Variants in TET3 observed in about 807,000 individuals in gnomAD.
TET3 encodes methylcytosine dioxygenase TET3.
TET3 carries 19 observed loss-of-function variants against 141.4 expected under a neutral mutation model. That is an observed-to-expected ratio of 0.13 (90% CI 0.09 to 0.20). TET3 has a LOEUF of 0.20. TET3 is among the 10% of genes least tolerant of loss of function. TET3 has a pLI of 1.00. For synonymous variants in TET3, 1,043 were observed against 980.9 expected, an observed-to-expected ratio of 1.06 and a Z score of -1.18; for missense variants, 1,874 against 2,356.9, an observed-to-expected ratio of 0.80 and a Z score of 4.24.
At chr2:74,044,406 T>C (rs1030899487) in intron 3 of TET3, among the ~76,000 whole-genome samples, 1 of 152,238 alleles carries the variant, frequency 6.6e-6, no homozygotes, top group Admixed American at 6.5e-5. Context: ...TATGGTTTTT[T>C]TCTGAATCAT....
At chr2:74,090,089 C>T (rs1410880497) in intron 8 of TET3, 42 bp downstream of exon 8, 31 of 1,605,450 alleles carry the variant, frequency 1.9e-5, no homozygotes, top group South Asian at 4.4e-5. Flanking sequence ...CATCCTTTCT[C>T]GCCTGGCGTC....
At chr2:74,070,861 G>A (rs1242173054) in intron 4 of TET3, among the ~76,000 whole-genome samples, 1 of 152,144 alleles carries the variant, frequency 6.6e-6, no homozygotes, top group African/African-American at 2.4e-5. Context: ...TGTAGTCCCA[G>A]CTACTCAGGA....
chr2:74,032,489 G>GCGCGCGCGCGCGCGCGCGA (rs1558730157), intron 3 of TET3, among the ~76,000 whole-genome samples: 7 of 150,762 alleles, frequency 4.6e-5, no homozygotes, highest in African/African-American at 1.7e-4. Flanking sequence ...GTGTGTGTGT[G>GCGCGCGCGCGCGCGCGCGA]TGTGTGTGTG....
downstream of TET3, among the ~76,000 whole-genome samples, chr2:74,109,011 C>T (rs921092119): frequency 4.6e-5 from 7 of 152,186 alleles, no homozygotes; most frequent in Admixed American, 1.3e-4. Context: ...CCTTGGCACA[C>T]CTGGCTATCC....
At chr2:74,023,301 G>A (rs1686154726) in intron 3 of TET3, among the ~76,000 whole-genome samples, 5 of 152,146 alleles carry the variant, frequency 3.3e-5, no homozygotes, top group Admixed American at 3.3e-4. Context: ...GTGCAGCGGT[G>A]CTGCGATCAT....
At chr2:74,089,181 G>T (rs1292253284) in intron 7 of TET3, among the ~76,000 whole-genome samples, 4 of 151,798 alleles carry the variant, frequency 2.6e-5, no homozygotes, top group African/African-American at 9.7e-5. Context: ...CTAGCCCTGG[G>T]CAGTCACCGG....
rs1684958230 is a variant in TET3 at position 74,003,219 on chromosome 2, T to G, written c.360+53T>G. ...GTGCGTGTGTGTGGTGGCGGTGAAG[T>G]GTTTGACCGGATTGGATAAAAATAA... On this transcript the variant is annotated intron_variant, in intron 3 of 11. Transcript: ENST00000409262. The G allele has an allele frequency of 3.9e-6, 6 of 1,545,358 alleles. No homozygotes were observed. In the South Asian group the frequency reaches 6.0e-5, roughly 15 times the overall value.
At chr2:74,129,991 A>G in the TET3 span, among the ~76,000 whole-genome samples, 1 of 151,422 alleles carries the variant, frequency 6.6e-6, no homozygotes, top group African/African-American at 2.4e-5. Context: ...ACTACTTGGG[A>G]GGCTGAGGCA....
At chr2:74,033,395 A>C (rs1686860306) in intron 3 of TET3, among the ~76,000 whole-genome samples, 1 of 152,248 alleles carries the variant, frequency 6.6e-6, no homozygotes, top group African/African-American at 2.4e-5. Flanking sequence ...TTCAAATATT[A>C]TGTACTTCCC....
At chr2:74,070,871 A>T (rs1388718323) in intron 4 of TET3, among the ~76,000 whole-genome samples, 1 of 152,160 alleles carries the variant, frequency 6.6e-6, no homozygotes, top group Non-Finnish European at 1.5e-5. Flanking sequence ...GCTACTCAGG[A>T]GGCTGAGGTG....
chr2:74,093,689 C>T lies in TET3; in HGVS notation c.3267+23C>T, dbSNP rs368164333. On this transcript the variant is annotated intron_variant, in intron 10 of 11. Transcript: ENST00000409262. This position sits in a 1 kb window ranked among gnomAD's most constrained non-coding sequence, Gnocchi z 4.2. The stretch of plus-strand genomic sequence containing the variant: ...GTGGTAAGCCTGTGCCCTGTCATAG[C>T]CCCACCTGTGGGGCAACTGTGGGAG... 810 of 1,554,616 alleles carry T rather than the reference C, an allele frequency of 5.2e-4. No individual in the cohort carries two copies. Among genetic ancestry groups the T allele is most frequent in the Non-Finnish European group, 6.9e-4 (785 of 1,144,244 alleles).
chr2:74,073,137 T>C (rs1443465365), intron 4 of TET3, among the ~76,000 whole-genome samples: 1 of 152,172 alleles, frequency 6.6e-6, no homozygotes, highest in Non-Finnish European at 1.5e-5. Context: ...CTTAACAAAA[T>C]GTTTTTGGCC....
intron 5 of TET3, among the ~76,000 whole-genome samples, chr2:74,078,574 A>G (rs1412746124): frequency 6.6e-6 from 1 of 152,180 alleles, no homozygotes; most frequent in East Asian, 1.9e-4. Context: ...TGTTAGACAT[A>G]TAAGTTGTTT....
chr2:74,114,365 C>G, the TET3 span, among the ~76,000 whole-genome samples: 1 of 152,012 alleles, frequency 6.6e-6, no homozygotes, highest in Non-Finnish European at 1.5e-5. Flanking sequence ...GTGTACACAG[C>G]TTGGGTGATA....
chr2:73,988,566 T>C (rs947062625), intron 2 of TET3, among the ~76,000 whole-genome samples: 5 of 152,074 alleles, frequency 3.3e-5, no homozygotes, highest in African/African-American at 1.2e-4. Context: ...GGTTAAGATA[T>C]CATGGATCTG....
chr2:74,013,409 A>G (rs967231800), intron 3 of TET3, among the ~76,000 whole-genome samples: 1 of 152,158 alleles, frequency 6.6e-6, no homozygotes, highest in African/African-American at 2.4e-5. Context: ...TTGTTGTCAG[A>G]TGTTAGTATT....
At chr2:74,070,933 C>G (rs1418419236) in intron 4 of TET3, among the ~76,000 whole-genome samples, 5 of 152,076 alleles carry the variant, frequency 3.3e-5, no homozygotes, top group African/African-American at 9.7e-5. Context: ...TGTGATCATG[C>G]CATTGCACTC....
intron 4 of TET3, among the ~76,000 whole-genome samples, chr2:74,073,042 G>T (rs1258519618): frequency 1.3e-5 from 2 of 152,210 alleles, no homozygotes; most frequent in Non-Finnish European, 1.5e-5. Flanking sequence ...GTGAATAAAT[G>T]CTGCTCTGAA....
At chr2:74,002,948 G>A in intron 2 of TET3, 162 bp from the exon 3 acceptor site, 1 of 685,120 alleles carries the variant, frequency 1.5e-6, no homozygotes. Context: ...CCAGGCGGCA[G>A]CTGGAGGCAG....
Sources: allele counts gnomAD v4.1 joint callset (sites outside exome capture counted in the v4.1 genomes callset), GRCh38; gene constraint gnomAD v4.1.1; non-coding constraint Gnocchi (gnomAD v3.1); transcripts MANE v1.5; gene names NCBI Gene and HGNC (gene_info 2026-07-23, HGNC 2026-07-21).